TIAM1: variants seen among roughly 807,000 people sequenced by gnomAD.
The protein encoded by TIAM1 is TIAM Rac1 associated GEF 1, also known as rho guanine nucleotide exchange factor TIAM1.
A neutral mutation model predicts 163.5 loss-of-function variants in TIAM1; 65 were observed. The observed-to-expected ratio is 0.40, with a 90% CI of 0.33 to 0.49. The LOEUF (loss-of-function observed/expected upper bound fraction) is 0.49, where lower values mean the gene tolerates loss of function less well. Ranked by LOEUF, TIAM1 falls within the 20% of genes least tolerant of loss-of-function variation. TIAM1 has a pLI of 0.77. For synonymous variants in TIAM1, 833 were observed against 810.1 expected (o/e 1.03, Z -0.48); for missense variants, 1,789 against 2,044.7 (o/e 0.87, Z 2.41).
intron 1 of TIAM1, among the ~76,000 whole-genome samples, chr21:31,489,825 T>A (rs562190732): frequency 6.6e-6 from 1 of 152,254 alleles, no homozygotes; most frequent in South Asian, 2.1e-4. Context: ...CCCATCCCAC[T>A]TCATCTGGCT....
chr21:31,453,114 G>A (rs1172880445), intron 2 of TIAM1: 3 of 327,496 alleles, frequency 9.2e-6, no homozygotes, highest in Non-Finnish European at 1.8e-5. Context: ...AACCGAGACA[G>A]TGATGAGGAT....
intron 2 of TIAM1, among the ~76,000 whole-genome samples, chr21:31,406,887 T>A (rs1438742038): frequency 3.3e-5 from 5 of 152,186 alleles, no homozygotes; most frequent in Non-Finnish European, 7.3e-5. Context: ...GTTTTTTAAG[T>A]TCTGCAGATC....
At chr21:31,557,764 C>T (rs1023594650) in intron 1 of TIAM1, among the ~76,000 whole-genome samples, 2 of 152,162 alleles carry the variant, frequency 1.3e-5, no homozygotes, top group East Asian at 1.9e-4. Flanking sequence ...CAAGACCTGC[C>T]AGCGCGCGGG....
chr21:31,393,509 G>A (rs1279300526), intron 2 of TIAM1, among the ~76,000 whole-genome samples: 1 of 152,178 alleles, frequency 6.6e-6, no homozygotes, highest in Non-Finnish European at 1.5e-5. Flanking sequence ...GCTGAATGCA[G>A]TCACATCGAG....
At chr21:31,531,189 T>C (rs554140056) in intron 1 of TIAM1, among the ~76,000 whole-genome samples, 6 of 152,278 alleles carry the variant, frequency 3.9e-5, no homozygotes, top group East Asian at 3.9e-4. Flanking sequence ...CCTTCTCTGA[T>C]TGGAATATCT....
chr21:31,343,024 G>A (rs1305589770), intron 1 of TIAM1, among the ~76,000 whole-genome samples: 1 of 152,080 alleles, frequency 6.6e-6, no homozygotes. Flanking sequence ...CCCAGACCTG[G>A]GAAAGAACAT....
intron 1 of TIAM1, among the ~76,000 whole-genome samples, chr21:31,544,359 T>C (rs2048419129): frequency 1.7e-5 from 1 of 59,052 alleles, no homozygotes; most frequent in African/African-American, 3.9e-5. Flanking sequence ...TCCCTCTTGC[T>C]GTCCCAGACC....
intron 2 of TIAM1, among the ~76,000 whole-genome samples, chr21:31,421,069 T>C (rs2043551417): frequency 6.7e-6 from 1 of 148,448 alleles, no homozygotes; most frequent in Non-Finnish European, 1.5e-5. Flanking sequence ...TTGCAGTGAG[T>C]GCAGTGAGCC....
chr21:31,386,562 A>G (rs1419033002), intron 2 of TIAM1, among the ~76,000 whole-genome samples: 2 of 152,184 alleles, frequency 1.3e-5, no homozygotes, highest in Non-Finnish European at 2.9e-5. Flanking sequence ...TAAGACACCC[A>G]TATTGCATGT....
chr21:31,497,841 G>A (rs778669719), intron 1 of TIAM1, among the ~76,000 whole-genome samples: 7 of 152,264 alleles, frequency 4.6e-5, no homozygotes, highest in South Asian at 2.1e-4. Context: ...TAGAAAGGGC[G>A]CATTCCAGAC....
chr21:31,221,653 A>C (rs2087566625), intron 8 of TIAM1, among the ~76,000 whole-genome samples: 2 of 152,234 alleles, frequency 1.3e-5, no homozygotes, highest in South Asian at 4.1e-4. Context: ...TTTCTCCAAA[A>C]TCTAGCAAGG....
At chr21:31,491,517 A>C in intron 1 of TIAM1, among the ~76,000 whole-genome samples, 1 of 152,166 alleles carries the variant, frequency 6.6e-6, no homozygotes, top group South Asian at 2.1e-4. Flanking sequence ...CTTCACGATG[A>C]CTTCCTGTCG....
rs1172280425 is a variant in TIAM1, at chr21:31,254,772, AT to A, written c.964-2584del. ...TTCTTACCAACAATGGCTCTTCCAG[AT>A]TTTTTCAGCAAAAGCTGAGTGACTG... On this transcript the variant is annotated intron_variant, in intron 4 of 27. Coordinates refer to ENST00000541036, the MANE Select transcript of TIAM1 (RefSeq NM_001353694.2). Among the ~76,000 whole-genome samples the A allele has an allele frequency of 7.9e-5, 12 of 152,254 alleles. No individual in the cohort carries two copies. In the East Asian group the frequency reaches 2.3e-3, roughly 29 times the overall value.
chr21:31,354,685 A>G (rs2076286708), intron 2 of TIAM1, among the ~76,000 whole-genome samples: 1 of 152,224 alleles, frequency 6.6e-6, no homozygotes, highest in South Asian at 2.1e-4. Flanking sequence ...AGGATGACAC[A>G]GTTCCTGGCA....
In TIAM1 at chr21:31,251,900, C is replaced by A. The variant is rs761754794; in HGVS notation, c.1253G>T (p.Ser418Ile). Reference sequence around the variant, plus strand: ...CAGGATGTCCGACTGGCCCGGAGAGCTCAGGGTGCCGCTGCTCTGCTCATC... The same window carrying A: ...CAGGATGTCCGACTGGCCCGGAGAGATCAGGGTGCCGCTGCTCTGCTCATC... ...HSDEQSSGTL[S>I]SPGQSDILLT... is the part of the protein sequence containing the mutation. The change falls in exon 5 of 28, where the codon AGC becomes ATC. Residue 418 changes from serine to isoleucine, a missense_variant. Physicochemically the swap from Ser to Ile is moderately radical, Grantham distance 142. Coordinates refer to ENST00000541036, the MANE Select transcript of TIAM1 (RefSeq NM_001353694.2). 5 of 1,613,706 alleles carry A rather than the reference C, an allele frequency of 3.1e-6. No homozygotes were observed. The highest frequency in any genetic ancestry group is 4.2e-6 in the Non-Finnish European group (5 of 1,179,914).
chr21:31,426,615 C>G (rs1200915784), intron 2 of TIAM1, among the ~76,000 whole-genome samples: 2 of 152,144 alleles, frequency 1.3e-5, no homozygotes, highest in African/African-American at 4.8e-5. Context: ...ACTCAGGTCC[C>G]TTGGTAAGCC....
At chr21:31,327,013 G>A (rs758415077) in intron 2 of TIAM1, among the ~76,000 whole-genome samples, 7 of 152,198 alleles carry the variant, frequency 4.6e-5, no homozygotes, top group Non-Finnish European at 8.8e-5. Context: ...TGTTCCGGCC[G>A]CGATTTAACA....
In TIAM1 at chr21:31,408,193, G is replaced by A. The variant is rs538738724; in HGVS notation, c.-369+55790C>T. Among the ~76,000 whole-genome samples, 13 of 152,290 alleles carry A rather than the reference G, an allele frequency of 8.5e-5. No homozygotes were observed. In the South Asian group the frequency reaches 2.7e-3, roughly 32 times the overall value. Reference sequence around the variant, plus strand: ...AGCACCTGGTTATACTGTTTACTATGTGTCTGTCTATCCTTCTTTTGTTTA... The same window carrying A: ...AGCACCTGGTTATACTGTTTACTATATGTCTGTCTATCCTTCTTTTGTTTA... On this transcript the variant is annotated intron_variant, in intron 2 of 28. Coordinates refer to the TIAM1 transcript ENST00000286827.
intron 3 of TIAM1, among the ~76,000 whole-genome samples, chr21:31,269,451 GT>G (rs548001767): frequency 2.0e-5 from 3 of 152,214 alleles, no homozygotes; most frequent in Non-Finnish European, 4.4e-5. Context: ...AGAAAAATAA[GT>G]TTCTAGGGAT....
Sources: allele counts gnomAD v4.1 joint callset (sites outside exome capture counted in the v4.1 genomes callset), GRCh38; gene constraint gnomAD v4.1.1; transcripts MANE v1.5; gene names NCBI Gene and HGNC (gene_info 2026-07-23, HGNC 2026-07-21).